Variants in ATF7IP observed in about 807,000 individuals in gnomAD.
The protein encoded by ATF7IP is activating transcription factor 7 interacting protein.
ATF7IP carries 23 observed loss-of-function variants against 106.4 expected under a neutral mutation model. The ratio of observed to expected loss-of-function variants is 0.22; its 90% CI spans 0.16 to 0.31. The LOEUF (loss-of-function observed/expected upper bound fraction) is 0.31. Among genes scored for constraint, ATF7IP ranks in the 10% least tolerant of loss-of-function variants. The probability of loss-of-function intolerance (pLI) is 1.00; values close to 1 mark genes in which losing one functional copy is unlikely to be tolerated. For synonymous variants in ATF7IP, 542 were observed against 539.0 expected (o/e 1.01, Z -0.08); for missense variants, 1,334 against 1,524.3 (o/e 0.88, Z 2.08).
chr12:14,472,556 C>G (rs1194031748), intron 10 of ATF7IP, among the ~76,000 whole-genome samples: 3 of 152,106 alleles, frequency 2.0e-5, no homozygotes, highest in South Asian at 2.1e-4. Context: ...TGAAACCACC[C>G]TGGTCCAGAT....
In ATF7IP at chr12:14,405,235, T is replaced by C. The variant is rs377510133; in HGVS notation, c.-7-18674T>C. On this transcript the variant is annotated intron_variant, in intron 1 of 14. Coordinates refer to ENST00000261168, the MANE Select transcript of ATF7IP (RefSeq NM_018179.5). ...TTAACTGAAGGAAGATGTAGAATTATAAATAGAATTGGCTGGAAAATTTGT... is the reference window on the plus strand; with the variant it reads ...TTAACTGAAGGAAGATGTAGAATTACAAATAGAATTGGCTGGAAAATTTGT... 2.0e-4 allele frequency among the ~76,000 whole-genome samples: 31 copies of C among 152,178 alleles called. No individual in the cohort carries two copies. The South Asian group carries it at 2.1e-3, about 10-fold the overall frequency.
intron 1 of ATF7IP, among the ~76,000 whole-genome samples, chr12:14,410,149 A>G (rs1003043712): frequency 2.0e-5 from 3 of 152,184 alleles, no homozygotes; most frequent in African/African-American, 7.2e-5. Flanking sequence ...AGATTTGCCT[A>G]TTCTGGACAT....
At chr12:14,465,097 T>A (rs2136742733) in intron 9 of ATF7IP, among the ~76,000 whole-genome samples, 1 of 152,128 alleles carries the variant, frequency 6.6e-6, no homozygotes, top group Non-Finnish European at 1.5e-5. Flanking sequence ...ACACTGGTAG[T>A]CCCAGCTACT....
At chr12:14,391,254 A>T (rs542774517) in intron 1 of ATF7IP, among the ~76,000 whole-genome samples, 135 of 152,330 alleles carry the variant, frequency 8.9e-4, no homozygotes, top group Middle Eastern at 3.4e-3. Context: ...AATCTTCATC[A>T]GTTTAGTGAA....
At chr12:14,377,084 T>A (rs916556059) in intron 1 of ATF7IP, among the ~76,000 whole-genome samples, 2 of 151,788 alleles carry the variant, frequency 1.3e-5, no homozygotes. Flanking sequence ...AACCTCTACC[T>A]CCCAGACTCA....
intron 2 of ATF7IP, among the ~76,000 whole-genome samples, chr12:14,430,654 A>G (rs116452138): frequency 0.016 from 2,365 of 152,186 alleles, 24 homozygotes; most frequent in Non-Finnish European, 0.019. Context: ...CCATTTTTCT[A>G]ATGGATATTG....
intron 6 of ATF7IP, among the ~76,000 whole-genome samples, chr12:14,451,817 A>C (rs1943213100): frequency 6.6e-6 from 1 of 152,306 alleles, no homozygotes; most frequent in East Asian, 1.9e-4. Flanking sequence ...CTTGAGAAGA[A>C]TGTGTATTCT....
rs1003471103 is a variant in ATF7IP at position 14,365,725 on chromosome 12, T to C, written c.-110T>C. ...GCGGTGGCAGCGGCGGCGCGGCGAC[T>C]GAAGCGCGCGAAAAGCTGAGGCGGC... On this transcript the variant is annotated 5_prime_UTR_variant, in exon 1 of 15. Transcript: ENST00000261168. 3.2e-5 allele frequency: 5 copies of C among 156,568 alleles called. No homozygotes were observed. Among genetic ancestry groups the C allele is most frequent in the South Asian group, 3.3e-4 (2 of 6,022 alleles). 9.7% of individuals were successfully genotyped at this position (156,568 alleles called of 1,614,324 possible).
At chr12:14,494,333 A>ATATATATATATATGTG (rs1234871100) in intron 13 of ATF7IP, among the ~76,000 whole-genome samples, 2 of 86,034 alleles carry the variant, frequency 2.3e-5, no homozygotes, top group East Asian at 4.0e-4. Flanking sequence ...ATATATATAT[A>ATATATATATATATGTG]TGTGTGTGTG....
At chr12:14,380,350 G>A (rs1201328703) in intron 1 of ATF7IP, among the ~76,000 whole-genome samples, 2 of 152,120 alleles carry the variant, frequency 1.3e-5, no homozygotes, top group Non-Finnish European at 2.9e-5. Flanking sequence ...ATGTGATGTG[G>A]AAGATTCAAA....
At chr12:14,372,361 T>TA (rs941356919) in intron 1 of ATF7IP, among the ~76,000 whole-genome samples, 5 of 151,846 alleles carry the variant, frequency 3.3e-5, no homozygotes, top group African/African-American at 4.8e-5. Flanking sequence ...TCAGGGCTAC[T>TA]AGTGCTTGTT....
At chr12:14,411,822 T>C (rs1431055204) in intron 1 of ATF7IP, among the ~76,000 whole-genome samples, 2 of 152,148 alleles carry the variant, frequency 1.3e-5, no homozygotes, top group African/African-American at 4.8e-5. Flanking sequence ...TCTTCTTTTA[T>C]TGCTTCTTCT....
intron 1 of ATF7IP, among the ~76,000 whole-genome samples, chr12:14,393,939 A>G (rs781484153): frequency 1.9e-4 from 29 of 152,312 alleles, no homozygotes; most frequent in Admixed American, 6.5e-5. Flanking sequence ...CAATACATGA[A>G]TGATACAGGT....
chr12:14,492,120 A>G (rs530071067), intron 13 of ATF7IP, among the ~76,000 whole-genome samples: 28 of 152,292 alleles, frequency 1.8e-4, no homozygotes, highest in Non-Finnish European at 2.6e-4. Flanking sequence ...AAGTATGTCG[A>G]TGCCAATTAT....
chr12:14,433,051 T>A (rs1379421750), intron 2 of ATF7IP, among the ~76,000 whole-genome samples: 1 of 152,168 alleles, frequency 6.6e-6, no homozygotes, highest in Non-Finnish European at 1.5e-5. Context: ...CTTCAGTTGT[T>A]ACATTTTATA....
chr12:14,466,187 G>C (rs953405654), intron 9 of ATF7IP: 6 of 176,196 alleles, frequency 3.4e-5, no homozygotes, highest in Non-Finnish European at 7.1e-5. Flanking sequence ...TTCTCCAAAA[G>C]AACATAGTGT....
intron 1 of ATF7IP, among the ~76,000 whole-genome samples, chr12:14,389,277 G>C (rs1282968007): frequency 6.6e-6 from 1 of 152,046 alleles, no homozygotes; most frequent in Non-Finnish European, 1.5e-5. Context: ...TGTAGTACTG[G>C]GTCCTACTCT....
At chr12:14,416,370 C>G (rs1941207003) in intron 1 of ATF7IP, among the ~76,000 whole-genome samples, 1 of 152,036 alleles carries the variant, frequency 6.6e-6, no homozygotes, top group Non-Finnish European at 1.5e-5. Flanking sequence ...AAATGTTGTA[C>G]TCTCAGGCAA....
At chr12:14,395,580 A>T (rs1939793597) in intron 1 of ATF7IP, among the ~76,000 whole-genome samples, 1 of 152,134 alleles carries the variant, frequency 6.6e-6, no homozygotes, top group South Asian at 2.1e-4. Flanking sequence ...ATAGTCTGTT[A>T]CTATATTCTC....
Sources: allele counts gnomAD v4.1 joint callset (sites outside exome capture counted in the v4.1 genomes callset), GRCh38; gene constraint gnomAD v4.1.1; transcripts MANE v1.5; gene names NCBI Gene and HGNC (gene_info 2026-07-23, HGNC 2026-07-21).